Variants in GAB4 observed in about 807,000 individuals in gnomAD.
GAB4 encodes the protein GRB2 associated binding protein family member 4, also known as GRB2-associated-binding protein 4.
A neutral mutation model predicts 51.3 loss-of-function variants in GAB4; 26 were observed. The ratio of observed to expected loss-of-function variants is 0.51; its 90% CI spans 0.37 to 0.70. The LOEUF (loss-of-function observed/expected upper bound fraction) is 0.70, where lower values mean the gene tolerates loss of function less well. Among genes scored for constraint, GAB4 ranks in the 30% least tolerant of loss-of-function variants. The probability of loss-of-function intolerance (pLI) is 0.00; values close to 1 mark genes in which losing one functional copy is unlikely to be tolerated. For synonymous variants in GAB4, 329 were observed against 291.2 expected, an observed-to-expected ratio of 1.13 and a Z score of -1.32; for missense variants, 759 against 734.6, an observed-to-expected ratio of 1.03 and a Z score of -0.38.
intron 5 of GAB4, chr22:16,967,151 G>T (rs1248889924): frequency 6.6e-6 from 1 of 152,258 alleles, no homozygotes; most frequent in Non-Finnish European, 1.5e-5. Context: ...TAGTGGCTGG[G>T]TCCACTCAGG....
intron 3 of GAB4, among the ~76,000 whole-genome samples, chr22:16,986,314 G>GA (rs1569103282): frequency 6.6e-6 from 1 of 152,202 alleles, no homozygotes; most frequent in African/African-American, 2.4e-5. Context: ...ACGTGCATGT[G>GA]AAAGTATGAA....
At chr22:17,006,427 C>T (rs1280253469) in intron 1 of GAB4, among the ~76,000 whole-genome samples, 2 of 152,050 alleles carry the variant, frequency 1.3e-5, no homozygotes, top group Admixed American at 6.5e-5. Flanking sequence ...ATTAGTTCAA[C>T]TATTGTCAAA....
chr22:17,007,059 C>G (rs923421725), intron 1 of GAB4, among the ~76,000 whole-genome samples: 4 of 151,998 alleles, frequency 2.6e-5, no homozygotes, highest in Admixed American at 6.6e-5. Context: ...TGATCATACC[C>G]CATACCTCAG....
chr22:16,983,075 C>T (rs770160922), intron 3 of GAB4, among the ~76,000 whole-genome samples: 13 of 152,200 alleles, frequency 8.5e-5, no homozygotes, highest in Non-Finnish European at 1.6e-4. Flanking sequence ...ACTAGAAGAA[C>T]ATGTTTCCAT....
At chr22:17,001,971 G>T (rs2061001297) in intron 1 of GAB4, among the ~76,000 whole-genome samples, 1 of 152,208 alleles carries the variant, frequency 6.6e-6, no homozygotes, top group Admixed American at 6.5e-5. Context: ...CCAGGTGTGG[G>T]ATATATTCTC....
At chr22:16,997,023 G>T (rs2060955596) in intron 1 of GAB4, among the ~76,000 whole-genome samples, 1 of 152,024 alleles carries the variant, frequency 6.6e-6, no homozygotes, top group Non-Finnish European at 1.5e-5. Flanking sequence ...AGTATTCCAT[G>T]GTGTATATGT....
At chr22:16,996,156 A>G (rs2060947672) in intron 1 of GAB4, among the ~76,000 whole-genome samples, 1 of 151,890 alleles carries the variant, frequency 6.6e-6, no homozygotes, top group African/African-American at 2.4e-5. Flanking sequence ...GAACCTTGTG[A>G]AAAATAAACA....
At position 17,007,999 on chromosome 22, in the gene GAB4, T is replaced by C; in HGVS notation, c.116A>G (p.His39Arg). ...GPAGGSTRSG[H>R]VLYSGWLRKS... ...CCTCAGCCAGCCGCTGTACAGCACG[T>C]GGCCACTTCTCGTGCTTCCGCCGGC... The change falls in exon 1 of 10, where the codon CAC becomes CGC. Residue 39 changes from histidine to arginine, a missense_variant. His to Arg is a conservative substitution (Grantham distance 29). Transcript: ENST00000400588. 4 of 1,612,554 alleles carry C rather than the reference T, an allele frequency of 2.5e-6. No individual in the cohort carries two copies. The South Asian group carries it at 4.4e-5, about 18-fold the overall frequency.
intron 5 of GAB4, 28 bp from the exon 6 acceptor site, chr22:16,966,392 A>C (rs1477668464): frequency 5.7e-6 from 9 of 1,592,638 alleles, no homozygotes; most frequent in Non-Finnish European, 6.9e-6. Flanking sequence ...AAAGAAACAC[A>C]GCTATCACCA....
At chr22:16,995,194 T>C (rs181523331) in intron 1 of GAB4, among the ~76,000 whole-genome samples, 1 of 152,070 alleles carries the variant, frequency 6.6e-6, no homozygotes, top group African/African-American at 2.4e-5. Context: ...GGGCTGAGGG[T>C]AGAGGAGAGG....
chr22:17,005,261 A>G (rs2061031110), intron 1 of GAB4, among the ~76,000 whole-genome samples: 1 of 152,214 alleles, frequency 6.6e-6, no homozygotes, highest in South Asian at 2.1e-4. Flanking sequence ...ATTGCTACCA[A>G]AAGAATAAAA....
intron 2 of GAB4, among the ~76,000 whole-genome samples, chr22:16,988,884 C>A (rs116243562): frequency 6.6e-6 from 1 of 152,192 alleles, no homozygotes; most frequent in Non-Finnish European, 1.5e-5. Flanking sequence ...TTATGCTGTT[C>A]CTTCTGCCTG....
intron 2 of GAB4, among the ~76,000 whole-genome samples, chr22:16,990,024 G>A (rs1001843877): frequency 2.0e-4 from 31 of 152,214 alleles, no homozygotes; most frequent in South Asian, 6.2e-4. Context: ...GTTCCCTCTC[G>A]GTGAGGCACA....
At chr22:16,974,169 T>C (rs1478761947) in intron 3 of GAB4, among the ~76,000 whole-genome samples, 1 of 152,186 alleles carries the variant, frequency 6.6e-6, no homozygotes, top group Non-Finnish European at 1.5e-5. Context: ...TGCACACCCA[T>C]GTGAGGCCAA....
chr22:16,965,362 C>A (rs139569331), intron 6 of GAB4, 94 bp from the exon 7 acceptor site: 15 of 889,788 alleles, frequency 1.7e-5, no homozygotes, highest in African/African-American at 1.7e-4. Flanking sequence ...GAAAGGCCCA[C>A]CCCGTCCACC....
chr22:17,007,594 C>A (rs2061051565), intron 1 of GAB4, among the ~76,000 whole-genome samples: 1 of 150,776 alleles, frequency 6.6e-6, no homozygotes, highest in African/African-American at 2.4e-5. Context: ...GCCCGCCATT[C>A]TCAGGGCCTG....
Position 17,008,119 on chromosome 22 carries a change from G to T in GAB4, c.-5C>A, listed in dbSNP as rs942349832. 1.9e-6 allele frequency: 3 copies of T among 1,593,830 alleles called. No homozygotes were observed. In the African/African-American group the frequency reaches 4.0e-5, roughly 21 times the overall value. ...TGAGGGGGACGGCAGGGACATGGGG[G>T]CTGCAGCTCACAGTGAAGGTGGGGG... On this transcript the variant is annotated 5_prime_UTR_variant, in exon 1 of 10. Coordinates refer to ENST00000400588, the MANE Select transcript of GAB4 (RefSeq NM_001037814.1).
intron 1 of GAB4, among the ~76,000 whole-genome samples, chr22:16,998,032 T>C (rs2060964550): frequency 6.6e-6 from 1 of 152,248 alleles, no homozygotes; most frequent in Admixed American, 6.5e-5. Flanking sequence ...AGTACCATGC[T>C]GTTTTGTTTA....
rs773554584 is a variant in GAB4, at chr22:16,962,748, CCT to C, written c.1708_1709del (p.Arg570GlyfsTer30). On this transcript the variant is annotated frameshift_variant, in exon 10 of 10. Coordinates refer to ENST00000400588, the MANE Select transcript of GAB4 (RefSeq NM_001037814.1). LOFTEE classifies it high-confidence loss of function. The stretch of plus-strand genomic sequence containing the variant: ...GTGGCCCGAGTCACAGCTTGGCGCC[CCT>C]GGGAGGCTCTGAGGACTGCCGCAGG... ...MCLRQSSEPP[R>X]GAKL is the part of the protein sequence containing the mutation. 6.1e-5 allele frequency: 98 copies of C among 1,611,996 alleles called. 1 individual carries two copies. In the South Asian group the frequency reaches 1.1e-3, roughly 17 times the overall value.
Sources: allele counts gnomAD v4.1 joint callset (sites outside exome capture counted in the v4.1 genomes callset), GRCh38; gene constraint gnomAD v4.1.1; transcripts MANE v1.5; gene names NCBI Gene and HGNC (gene_info 2026-07-23, HGNC 2026-07-21).